Variants in TBX15 observed in about 807,000 individuals in gnomAD.
The protein encoded by TBX15 is T-box transcription factor TBX15.
In TBX15, 18 loss-of-function variants were observed where a neutral mutation model predicts 53.9. The observed-to-expected ratio is 0.33, with a 90% CI of 0.23 to 0.49. The LOEUF (loss-of-function observed/expected upper bound fraction) is 0.49. Among genes scored for constraint, TBX15 ranks in the 20% least tolerant of loss-of-function variants. The pLI, the probability that TBX15 is intolerant of heterozygous loss-of-function variation, is 0.98. For missense variants in TBX15, 692 were observed against 749.5 expected (o/e 0.92, Z 0.90); for synonymous variants, 295 against 278.0 (o/e 1.06, Z -0.61).
intron 6 of TBX15, among the ~76,000 whole-genome samples, chr1:118,906,599 T>A (rs1250695777): frequency 6.6e-6 from 1 of 151,962 alleles, no homozygotes; most frequent in Admixed American, 6.6e-5. Context: ...GAAGAGGGGG[T>A]CATGGGAAAG....
chr1:118,900,798 G>C (rs1654604089), intron 6 of TBX15, among the ~76,000 whole-genome samples: 2 of 152,148 alleles, frequency 1.3e-5, no homozygotes, highest in Non-Finnish European at 2.9e-5. Context: ...AGCCTGGATG[G>C]ATAGAAGAAA....
intron 6 of TBX15, among the ~76,000 whole-genome samples, chr1:118,903,057 A>G (rs924476051): frequency 5.9e-5 from 9 of 152,094 alleles, no homozygotes; most frequent in African/African-American, 9.7e-5. Flanking sequence ...GAGACGGTCA[A>G]GTTGGCAAGT....
intron 5 of TBX15, among the ~76,000 whole-genome samples, chr1:118,916,757 T>C (rs957365443): frequency 4.6e-5 from 7 of 151,966 alleles, no homozygotes; most frequent in South Asian, 4.1e-4. Flanking sequence ...TCCCAGCTAC[T>C]TGGGAGGCTG....
At position 118,884,692 on chromosome 1, in the gene TBX15, G is replaced by A. The variant is rs1242178056; in HGVS notation, c.*40C>T. ...AGGATCTGACCACGGAGACTCTGGG[G>A]CCTTGATTGCCAAATGCTCCGTGGT... On this transcript the variant is annotated 3_prime_UTR_variant, in exon 8 of 8. Coordinates refer to ENST00000369429, the MANE Select transcript of TBX15 (RefSeq NM_001330677.2). 3 of 1,612,884 alleles carry A rather than the reference G, an allele frequency of 1.9e-6. No homozygotes were observed. The Admixed American group carries it at 5.0e-5, about 27-fold the overall frequency.
chr1:118,987,398 G>A (rs974352740), intron 1 of TBX15, among the ~76,000 whole-genome samples, 193 bp downstream of exon 1: 1 of 152,252 alleles, frequency 6.6e-6, no homozygotes, highest in South Asian at 2.1e-4. Flanking sequence ...AAAATGCAAG[G>A]CTCAGTCCAG....
chr1:118,935,988 G>A (rs1325934), intron 1 of TBX15, among the ~76,000 whole-genome samples: 11,384 of 152,080 alleles, frequency 0.075, 617 homozygotes, highest in East Asian at 0.2. Flanking sequence ...CTCCCCAAAA[G>A]CACACTAGGT....
chr1:118,971,842 T>A (rs1279947483), intron 1 of TBX15, among the ~76,000 whole-genome samples: 1 of 152,180 alleles, frequency 6.6e-6, no homozygotes, highest in Non-Finnish European at 1.5e-5. Context: ...GCAAAAGGAA[T>A]AGAATAGGTG....
At chr1:118,971,174 A>G (rs767018425) in intron 1 of TBX15, among the ~76,000 whole-genome samples, 1 of 152,224 alleles carries the variant, frequency 6.6e-6, no homozygotes, top group African/African-American at 2.4e-5. Context: ...CTAACACCTC[A>G]TCAGGCAAAA....
chr1:118,982,003 A>G (rs1657667889), intron 1 of TBX15, among the ~76,000 whole-genome samples: 1 of 152,242 alleles, frequency 6.6e-6, no homozygotes, highest in African/African-American at 2.4e-5. Context: ...AAGTATCTCA[A>G]AAGGTCAAAA....
intron 1 of TBX15, among the ~76,000 whole-genome samples, chr1:118,956,835 C>A (rs960255999): frequency 3.3e-5 from 5 of 151,570 alleles, no homozygotes; most frequent in South Asian, 2.1e-4. Flanking sequence ...TGGTGGTGGG[C>A]GCCTGTAGTC....
At chr1:118,942,570 G>A (rs1223506944) in intron 1 of TBX15, among the ~76,000 whole-genome samples, 1 of 152,058 alleles carries the variant, frequency 6.6e-6, no homozygotes, top group Non-Finnish European at 1.5e-5. Context: ...TTAAGTCCTA[G>A]GGTCACCTCC....
At chr1:118,896,338 T>G (rs902988065) in intron 7 of TBX15, among the ~76,000 whole-genome samples, 2 of 152,212 alleles carry the variant, frequency 1.3e-5, no homozygotes, top group Non-Finnish European at 2.9e-5. Flanking sequence ...CTTAAATTTT[T>G]GCAAAACTGT....
At chr1:118,962,608 A>C (rs1335149700) in intron 1 of TBX15, among the ~76,000 whole-genome samples, 1 of 152,184 alleles carries the variant, frequency 6.6e-6, no homozygotes, top group Admixed American at 6.5e-5. Context: ...CTAGTGTATC[A>C]TATCAAAGTG....
chr1:118,927,156 A>G (rs1025289615), intron 2 of TBX15, among the ~76,000 whole-genome samples: 3 of 152,184 alleles, frequency 2.0e-5, no homozygotes, highest in Non-Finnish European at 4.4e-5. Flanking sequence ...CTACTGAACT[A>G]CTATCTCTTC....
chr1:118,975,683 T>C (rs974020420), intron 1 of TBX15, among the ~76,000 whole-genome samples: 1 of 152,200 alleles, frequency 6.6e-6, no homozygotes, highest in Non-Finnish European at 1.5e-5. Context: ...TCAAGGCCTA[T>C]TGGGTAGATG....
intron 1 of TBX15, among the ~76,000 whole-genome samples, chr1:118,940,734 AAAT>A (rs1656150996): frequency 1.3e-5 from 2 of 150,496 alleles, no homozygotes; most frequent in Non-Finnish European, 1.5e-5. Flanking sequence ...AAACAAAAAA[AAAT>A]AAATAAAGGA....
intron 1 of TBX15, among the ~76,000 whole-genome samples, chr1:118,948,619 A>C (rs919436382): frequency 6.6e-6 from 1 of 152,166 alleles, no homozygotes; most frequent in Non-Finnish European, 1.5e-5. Context: ...CCTTTACCCC[A>C]CAGAGTCACT....
At chr1:118,956,716 G>A (rs893386288) in intron 1 of TBX15, among the ~76,000 whole-genome samples, 4 of 152,098 alleles carry the variant, frequency 2.6e-5, no homozygotes, top group Admixed American at 2.6e-4. Context: ...ACTTTGGGAG[G>A]CCGAAGTGGG....
intron 7 of TBX15, among the ~76,000 whole-genome samples, chr1:118,896,007 G>A (rs1163231623): frequency 6.6e-6 from 1 of 152,084 alleles, no homozygotes; most frequent in African/African-American, 2.4e-5. Flanking sequence ...ATGGCCCAAG[G>A]GCTGCATGCA....
Sources: allele counts gnomAD v4.1 joint callset (sites outside exome capture counted in the v4.1 genomes callset), GRCh38; gene constraint gnomAD v4.1.1; transcripts MANE v1.5; gene names NCBI Gene and HGNC (gene_info 2026-07-23, HGNC 2026-07-21).